Variants in ATG7 observed in about 807,000 individuals in gnomAD.
The protein encoded by ATG7 is ubiquitin-like modifier-activating enzyme ATG7.
ATG7 carries 70 observed loss-of-function variants against 82.4 expected under a neutral mutation model. That is an observed-to-expected ratio of 0.85 (90% CI 0.70 to 1.04). ATG7 has a LOEUF of 1.04. Ranked by LOEUF, ATG7 falls within the 50% of genes least tolerant of loss-of-function variation. The pLI, the probability that ATG7 is intolerant of heterozygous loss-of-function variation, is 0.00. For synonymous variants in ATG7, 287 were observed against 313.0 expected, an observed-to-expected ratio of 0.92 and a Z score of 0.88; for missense variants, 792 against 864.3, an observed-to-expected ratio of 0.92 and a Z score of 1.05.
At chr3:11,543,102 G>A (rs1559820927) in intron 20 of ATG7, among the ~76,000 whole-genome samples, 1 of 151,886 alleles carries the variant, frequency 6.6e-6, no homozygotes, top group Non-Finnish European at 1.5e-5. Flanking sequence ...ACCCCACGGT[G>A]CAGGAGCAGC....
chr3:11,432,707 A>G (rs2083011668), intron 20 of ATG7, among the ~76,000 whole-genome samples: 1 of 152,134 alleles, frequency 6.6e-6, no homozygotes, highest in Non-Finnish European at 1.5e-5. Flanking sequence ...TTATAGTTAC[A>G]TTCTGCTCAT....
intron 18 of ATG7, among the ~76,000 whole-genome samples, chr3:11,376,100 C>G (rs1216085296): frequency 6.6e-6 from 1 of 152,162 alleles, no homozygotes; most frequent in African/African-American, 2.4e-5. Flanking sequence ...TGAAGCCAGT[C>G]ATGTGTGATT....
chr3:11,522,405 G>C (rs2092465519), intron 20 of ATG7, among the ~76,000 whole-genome samples: 1 of 152,116 alleles, frequency 6.6e-6, no homozygotes, highest in African/African-American at 2.4e-5. Context: ...CAGTAATTTG[G>C]AGATGATTCT....
intron 20 of ATG7, chr3:11,488,351 C>G: frequency 7.2e-6 from 5 of 695,254 alleles, no homozygotes; most frequent in Non-Finnish European, 1.0e-5. Flanking sequence ...GCCGCTGCCT[C>G]CCGGGCGGCA....
At chr3:11,299,750 AGTCCATGGGCATT>A (rs970030396) in intron 5 of ATG7, among the ~76,000 whole-genome samples, 11 of 152,064 alleles carry the variant, frequency 7.2e-5, no homozygotes, top group African/African-American at 1.4e-4. Context: ...TCACTCCTTT[AGTCCATGGGCATT>A]GTCCATGGGC....
At position 11,497,357 on chromosome 3, in the gene ATG7, CTATATATATATATA is replaced by C. The variant is rs58838386; in HGVS notation, c.2080-57432_2080-57419del. On this transcript the variant is annotated intron_variant, in intron 20 of 20. Coordinates refer to ENST00000693202, the MANE Select transcript of ATG7 (RefSeq NM_001349232.2). ...TGAAACCCCGTCTGTACTAAAAATA[CTATATATATATATA>C]TATATATATATATATATATATTTAG... is the stretch of plus-strand genomic sequence containing the variant. Among the ~76,000 whole-genome samples the C allele has an allele frequency of 2.3e-3, 132 of 57,306 alleles. 4 individuals carry two copies. The Middle Eastern group carries it at 0.038, about 16-fold the overall frequency. 37.6% of individuals were successfully genotyped at this position (57,306 alleles called of 152,430 possible).
At chr3:11,455,530 A>G (rs1022880454) in intron 20 of ATG7, among the ~76,000 whole-genome samples, 12 of 152,196 alleles carry the variant, frequency 7.9e-5, no homozygotes, top group African/African-American at 1.7e-4. Context: ...ATCCCTGTGT[A>G]CAATTCCTTC....
intron 20 of ATG7, among the ~76,000 whole-genome samples, chr3:11,432,114 G>C (rs898407799): frequency 1.3e-5 from 2 of 152,164 alleles, no homozygotes; most frequent in African/African-American, 4.8e-5. Flanking sequence ...GTGGAGACTG[G>C]GGACCAGGCT....
At chr3:11,288,664 A>C (rs992224361) in intron 3 of ATG7, 5 of 152,190 alleles carry the variant, frequency 3.3e-5, no homozygotes, top group Non-Finnish European at 7.4e-5. Flanking sequence ...TTGGGAGGCA[A>C]CCGCCACTGC....
intron 19 of ATG7, among the ~76,000 whole-genome samples, chr3:11,422,074 A>G (rs981397400): frequency 6.6e-6 from 1 of 152,248 alleles, no homozygotes; most frequent in African/African-American, 2.4e-5. Context: ...AAGATTTAGC[A>G]TAATTTTTAA....
At chr3:11,531,006 A>G (rs2092683831) in intron 20 of ATG7, among the ~76,000 whole-genome samples, 1 of 152,052 alleles carries the variant, frequency 6.6e-6, no homozygotes, top group Non-Finnish European at 1.5e-5. Flanking sequence ...TAAAATGAAG[A>G]CTGCCTTCCT....
chr3:11,506,979 C>T (rs1319902414), intron 20 of ATG7, among the ~76,000 whole-genome samples: 1 of 151,916 alleles, frequency 6.6e-6, no homozygotes, highest in Non-Finnish European at 1.5e-5. Flanking sequence ...CAGACTAATG[C>T]TTTTAAATGT....
intron 11 of ATG7, among the ~76,000 whole-genome samples, chr3:11,336,111 C>G (rs904505872): frequency 1.4e-5 from 2 of 148,068 alleles, no homozygotes; most frequent in Non-Finnish European, 3.0e-5. Flanking sequence ...AGGATCTCAG[C>G]TTACTGCAAT....
intron 1 of ATG7, among the ~76,000 whole-genome samples, chr3:11,276,285 G>A (rs1354615723): frequency 6.6e-6 from 1 of 152,152 alleles, no homozygotes; most frequent in Non-Finnish European, 1.5e-5. Context: ...CTAATTCTGT[G>A]AAAGAAATGG....
At chr3:11,386,746 G>A (rs1188597565) in intron 19 of ATG7, among the ~76,000 whole-genome samples, 2 of 152,138 alleles carry the variant, frequency 1.3e-5, no homozygotes, top group African/African-American at 4.8e-5. Flanking sequence ...CTATTTTAAT[G>A]TATGATGGAT....
intron 5 of ATG7, chr3:11,304,461 C>A (rs1426373770): frequency 2.7e-4 from 1 of 3,658 alleles, no homozygotes; most frequent in Non-Finnish European, 4.2e-4. Flanking sequence ...AAGCATGACC[C>A]CCAACATGAC....
chr3:11,571,510 C>G, the ATG7 span, among the ~76,000 whole-genome samples: 9 of 151,996 alleles, frequency 5.9e-5, no homozygotes, highest in Middle Eastern at 3.2e-3. Context: ...ATGGCAAAAC[C>G]CCGTCTCTAC....
chr3:11,552,623 G>A (rs1172533561), intron 20 of ATG7, among the ~76,000 whole-genome samples: 2 of 152,160 alleles, frequency 1.3e-5, no homozygotes, highest in Admixed American at 6.5e-5. Context: ...GCCCGTCCCT[G>A]CCCCAGAGAT....
intron 20 of ATG7, among the ~76,000 whole-genome samples, chr3:11,487,324 T>C (rs1408931691): frequency 6.4e-5 from 3 of 46,976 alleles, no homozygotes; most frequent in East Asian, 5.2e-4. Context: ...ATTGTCATCC[T>C]GGCCCGTTCT....
Sources: allele counts gnomAD v4.1 joint callset (sites outside exome capture counted in the v4.1 genomes callset), GRCh38; gene constraint gnomAD v4.1.1; transcripts MANE v1.5; gene names NCBI Gene and HGNC (gene_info 2026-07-23, HGNC 2026-07-21).